The following ANK2 variants were observed in gnomAD, a reference collection of about 807,000 sequenced individuals.
The protein encoded by ANK2 is ankyrin 2.
In ANK2, 83 loss-of-function variants were observed where a neutral mutation model predicts 360.5. That is an observed-to-expected ratio of 0.23 (90% CI 0.19 to 0.28). The LOEUF (loss-of-function observed/expected upper bound fraction) is 0.28. ANK2 is among the 10% of genes least tolerant of loss of function. The pLI is 1.00. For missense variants in ANK2, 4,201 were observed against 4,795.7 expected, an observed-to-expected ratio of 0.88 and a Z score of 3.66; for synonymous variants, 1,740 against 1,759.5, an observed-to-expected ratio of 0.99 and a Z score of 0.28.
At chr4:112,940,601 TTAGAG>T (rs1156601318) in intron 2 of ANK2, among the ~76,000 whole-genome samples, 18 of 152,146 alleles carry the variant, frequency 1.2e-4, no homozygotes, top group Admixed American at 1.2e-3. Flanking sequence ...GTGTAGAAAA[TTAGAG>T]TAGCCATCAG....
At chr4:112,725,790 T>A in the ANK2 span, among the ~76,000 whole-genome samples, 1 of 152,100 alleles carries the variant, frequency 6.6e-6, no homozygotes. Context: ...GAATGGGAAG[T>A]TGTTGTTTAA....
At chr4:113,248,887 A>G (rs574002225) in intron 9 of ANK2, among the ~76,000 whole-genome samples, 49 of 152,298 alleles carry the variant, frequency 3.2e-4, no homozygotes, top group Middle Eastern at 6.8e-3. Context: ...TTAAGCACTC[A>G]GTATTTCATT....
At chr4:112,721,406 G>A in the ANK2 span, among the ~76,000 whole-genome samples, 1 of 152,022 alleles carries the variant, frequency 6.6e-6, no homozygotes, top group South Asian at 2.1e-4. Context: ...GTGAGATGTG[G>A]TGGCATATGC....
chr4:112,997,803 C>T (rs12499356), intron 2 of ANK2, among the ~76,000 whole-genome samples: 51,097 of 150,458 alleles, frequency 0.34, 9,139 homozygotes, highest in East Asian at 0.54. Flanking sequence ...AACATATATA[C>T]ACACACACAC....
intron 14 of ANK2, among the ~76,000 whole-genome samples, chr4:113,265,635 T>G (rs536892815): frequency 6.6e-6 from 1 of 152,308 alleles, no homozygotes; most frequent in South Asian, 2.1e-4. Flanking sequence ...TTCCTTCTTT[T>G]TCTGTTTTTA....
rs770289485 is a variant in ANK2 at position 113,357,863 on chromosome 4, C to T, written c.9245C>T (p.Thr3082Ile). 17 of 1,614,032 alleles carry T rather than the reference C, an allele frequency of 1.1e-5. No homozygotes were observed. The highest frequency in any genetic ancestry group is 1.6e-4 in the Middle Eastern group (1 of 6,062). ...DRQSQGTTPD[T>I]TPARTPTEEG... is the part of the protein sequence containing the mutation. ...CAATCACAGGGTACCACCCCTGACA[C>T]CACTCCTGCTAGGACCCCAACTGAA... The change falls in exon 38 of 46, where the codon ACC (threonine) becomes ATC (isoleucine). Residue 3082 changes from threonine (T) to isoleucine (I), a missense_variant. This residue lies in a region of ANK2 where 2,642 missense variants were observed against 2,714.5 expected (regional missense o/e 0.97). Transcript: ENST00000357077.
chr4:113,117,509 C>T (rs1437187489), intron 1 of ANK2: 1 of 429,922 alleles, frequency 2.3e-6, no homozygotes, highest in East Asian at 7.1e-5. Context: ...CCCTTCCTTC[C>T]ATCATTCCCC....
rs2075591712 is a variant in ANK2, at chr4:113,302,753, T to A, written c.2476-14T>A. The A allele has an allele frequency of 6.2e-7, 1 of 1,607,180 alleles. No individual in the cohort carries two copies. Among genetic ancestry groups the A allele is most frequent in the Non-Finnish European group, 8.5e-7 (1 of 1,174,000 alleles). Reference sequence around the variant, plus strand: ...TGGTTTCAACTTGAACATTAATGATTTTTGTTTTTCCAGACTATTACAGAA... The same window carrying A: ...TGGTTTCAACTTGAACATTAATGATATTTGTTTTTCCAGACTATTACAGAA... On this transcript the variant is annotated splice_polypyrimidine_tract_variant and intron_variant, in intron 22 of 45. Coordinates refer to ENST00000357077, the MANE Select transcript of ANK2 (RefSeq NM_001148.6).
intron 2 of ANK2, among the ~76,000 whole-genome samples, chr4:112,993,466 C>T (rs1350158337): frequency 6.7e-6 from 1 of 148,752 alleles, no homozygotes; most frequent in African/African-American, 2.6e-5. Context: ...CCATGCCTGG[C>T]TAATTTTTTT....
intron 1 of ANK2, among the ~76,000 whole-genome samples, chr4:113,082,312 C>T (rs1410773757): frequency 1.3e-5 from 2 of 151,862 alleles, no homozygotes; most frequent in East Asian, 3.9e-4. Flanking sequence ...TTTTTTTTCC[C>T]CTTTTTGTGG....
chr4:112,960,759 AATAAG>A (rs1157887818), intron 2 of ANK2, among the ~76,000 whole-genome samples: 2 of 152,136 alleles, frequency 1.3e-5, no homozygotes, highest in Non-Finnish European at 1.5e-5. Flanking sequence ...TTTTCATAGT[AATAAG>A]ATAATTTATT....
the ANK2 span, among the ~76,000 whole-genome samples, chr4:112,784,113 T>G: frequency 6.6e-6 from 1 of 152,202 alleles, no homozygotes; most frequent in Admixed American, 6.6e-5. Context: ...CAGTATTTTC[T>G]TGTGATAAGC....
Position 113,354,242 on chromosome 4 carries a change from C to T in ANK2, c.5624C>T (p.Thr1875Ile). 6.2e-7 allele frequency: 1 copy of T among 1,614,132 alleles called. No individual in the cohort carries two copies. The highest frequency in any genetic ancestry group is 8.5e-7 in the Non-Finnish European group (1 of 1,180,000). The change falls in exon 38 of 46, where the codon ACT (threonine) becomes ATT (isoleucine). Residue 1875 changes from threonine to isoleucine, a missense_variant. By Grantham distance (89) the Thr-to-Ile change is moderately conservative (BLOSUM62 -1). This residue lies in a region of ANK2 where 2,642 missense variants were observed against 2,714.5 expected (regional missense o/e 0.97). Transcript: ENST00000357077. ...RHSPASSSSK[T>I]EKHSPVSPST... Reference sequence around the variant, plus strand: ...TCACCTGCGTCATCATCGAGTAAAACTGAGAAACACTCACCTGTATCACCC... The same window carrying T: ...TCACCTGCGTCATCATCGAGTAAAATTGAGAAACACTCACCTGTATCACCC...
chr4:113,236,341 A>G (rs1440421528), intron 5 of ANK2, among the ~76,000 whole-genome samples: 1 of 152,118 alleles, frequency 6.6e-6, no homozygotes, highest in Non-Finnish European at 1.5e-5. Flanking sequence ...GAATTGAAAA[A>G]CAGGTTTTTC....
rs182306245 is a variant in ANK2 at position 112,989,509 on chromosome 4, T to C, written c.21+84995T>C. Reference sequence around the variant, plus strand: ...GCAGAGAAAAATAAGCCCTGGTGCCTCTGACAGGTGCAGCAGCCTCGTGCA... The same window carrying C: ...GCAGAGAAAAATAAGCCCTGGTGCCCCTGACAGGTGCAGCAGCCTCGTGCA... On this transcript the variant is annotated intron_variant, in intron 2 of 30. Transcript: ENST00000503271. Among the ~76,000 whole-genome samples, 47 of 152,344 alleles carry C rather than the reference T, an allele frequency of 3.1e-4. No individual in the cohort carries two copies. In the East Asian group the frequency reaches 7.9e-3, roughly 26 times the overall value.
intron 2 of ANK2, among the ~76,000 whole-genome samples, chr4:113,184,756 C>T (rs188731604): frequency 1.0e-3 from 152 of 152,010 alleles, no homozygotes; most frequent in Admixed American, 3.5e-3. Flanking sequence ...ATGTGCAGAA[C>T]GTGCAGGTTT....
chr4:112,871,245 G>C (rs1188906062), intron 1 of ANK2, among the ~76,000 whole-genome samples: 2 of 151,824 alleles, frequency 1.3e-5, no homozygotes, highest in African/African-American at 4.8e-5. Flanking sequence ...GAGTGCAGTG[G>C]CACCATCTCG....
At chr4:112,706,110 G>C in the ANK2 span, among the ~76,000 whole-genome samples, 1 of 151,458 alleles carries the variant, frequency 6.6e-6, no homozygotes, top group Admixed American at 6.6e-5. Context: ...GGAGACCCGG[G>C]CGTGACAGGA....
chr4:112,854,690 C>T (rs2065898982), intron 1 of ANK2, among the ~76,000 whole-genome samples: 1 of 152,160 alleles, frequency 6.6e-6, no homozygotes, highest in South Asian at 2.1e-4. Flanking sequence ...GATTGACCAA[C>T]ATTGGAACTG....
Sources: allele counts gnomAD v4.1 joint callset (sites outside exome capture counted in the v4.1 genomes callset), GRCh38; gene constraint gnomAD v4.1.1; regional missense constraint gnomAD v4.1.1; transcripts MANE v1.5; gene names NCBI Gene and HGNC (gene_info 2026-07-23, HGNC 2026-07-21).